The following FAM227B variants were observed in gnomAD, a reference collection of about 807,000 sequenced individuals.
The protein encoded by FAM227B is protein FAM227B.
A neutral mutation model predicts 73.8 loss-of-function variants in FAM227B; 88 were observed. That is an observed-to-expected ratio of 1.19 (90% CI 1.00 to 1.42). The LOEUF is 1.42. Ranked by LOEUF, FAM227B falls within the 40% of genes most tolerant of loss-of-function variation. FAM227B has a pLI of 0.00. For missense variants in FAM227B, 632 were observed against 590.9 expected (o/e 1.07, Z -0.72); for synonymous variants, 210 against 190.5 (o/e 1.10, Z -0.84).
At chr15:49,473,031 A>C (rs1246774928) in intron 11 of FAM227B, among the ~76,000 whole-genome samples, 1 of 152,130 alleles carries the variant, frequency 6.6e-6, no homozygotes. Context: ...TATGTGGACC[A>C]CTCATGTTTC....
At chr15:49,608,514 C>G (rs2077670821) in intron 3 of FAM227B, among the ~76,000 whole-genome samples, 1 of 151,848 alleles carries the variant, frequency 6.6e-6, no homozygotes, top group Admixed American at 6.6e-5. Context: ...AAATAAGAAG[C>G]ATGACTAGAA....
At position 49,367,436 on chromosome 15, in the gene FAM227B, TA is replaced by T; in HGVS notation, c.1271+11del. 1.3e-6 allele frequency: 2 copies of T among 1,543,900 alleles called. No individual in the cohort carries two copies. The highest frequency in any genetic ancestry group is 1.3e-5 in the South Asian group (1 of 77,884). On this transcript the variant is annotated intron_variant, in intron 13 of 15. Coordinates refer to ENST00000299338, the MANE Select transcript of FAM227B (RefSeq NM_152647.3). ...AAGAAATTATATTAAAGCAAAGCTT[TA>T]AAAAGGATATGGTTCCTGGAATATC...
chr15:49,541,898 C>A, intron 9 of FAM227B, 92 bp from the exon 10 acceptor site: 3 of 1,022,142 alleles, frequency 2.9e-6, no homozygotes, highest in Non-Finnish European at 3.8e-6. Flanking sequence ...TTAAATTTGC[C>A]TTGCAATTTA....
In FAM227B at chr15:49,529,681, T is replaced by C. The variant is rs143012114; in HGVS notation, c.874+11999A>G. Among the ~76,000 whole-genome samples, 300 of 151,822 alleles carry C rather than the reference T, an allele frequency of 2.0e-3. 1 individual carries two copies. Among genetic ancestry groups the C allele is most frequent in the African/African-American group, 6.9e-3 (287 of 41,546 alleles). On this transcript the variant is annotated intron_variant, in intron 10 of 15. Transcript: ENST00000299338. ...TATCACACTAGGATACAGACATTGA[T>C]AGAGTCAAGATACAGAACAGATCCA...
intron 5 of FAM227B, among the ~76,000 whole-genome samples, chr15:49,578,475 T>C (rs190925276): frequency 1.2e-4 from 18 of 152,164 alleles, no homozygotes; most frequent in Non-Finnish European, 2.2e-4. Flanking sequence ...CAGACATAGA[T>C]AGATAGATAG....
intron 11 of FAM227B, among the ~76,000 whole-genome samples, chr15:49,449,757 T>G (rs1405867303): frequency 6.6e-6 from 1 of 151,970 alleles, no homozygotes; most frequent in African/African-American, 2.4e-5. Context: ...AGTGCCTTGC[T>G]TTTCTCTTTC....
intron 11 of FAM227B, among the ~76,000 whole-genome samples, chr15:49,380,850 T>G (rs914413783): frequency 6.6e-6 from 1 of 152,178 alleles, no homozygotes; most frequent in African/African-American, 2.4e-5. Flanking sequence ...CAGAAGCCCC[T>G]TGTGTTAGTC....
chr15:49,532,717 G>T (rs1004730975), intron 10 of FAM227B, among the ~76,000 whole-genome samples: 1 of 151,670 alleles, frequency 6.6e-6, no homozygotes, highest in Non-Finnish European at 1.5e-5. Flanking sequence ...CCATTTTATT[G>T]TTTAATCAGA....
intron 11 of FAM227B, among the ~76,000 whole-genome samples, chr15:49,489,826 A>ATATATATATATATATTT (rs2056799215): frequency 5.7e-5 from 2 of 34,960 alleles, no homozygotes; most frequent in African/African-American, 1.3e-4. Context: ...TATATTTTAT[A>ATATATATATATATATTT]TATATATATA....
intron 9 of FAM227B, among the ~76,000 whole-genome samples, chr15:49,566,789 T>C (rs180904184): frequency 1.3e-5 from 2 of 152,304 alleles, no homozygotes; most frequent in East Asian, 1.9e-4. Context: ...TGTTCTCAAA[T>C]GAGGCTTTGC....
intron 11 of FAM227B, among the ~76,000 whole-genome samples, chr15:49,438,005 G>T (rs190342332): frequency 6.6e-6 from 1 of 151,560 alleles, no homozygotes; most frequent in Non-Finnish European, 1.5e-5. Context: ...AATGGGGAAG[G>T]GAGTCAGAAG....
At chr15:49,403,842 T>A (rs759482450) in intron 11 of FAM227B, among the ~76,000 whole-genome samples, 53 of 152,176 alleles carry the variant, frequency 3.5e-4, no homozygotes, top group Non-Finnish European at 1.5e-5. Context: ...TTCTTTTAGT[T>A]GTGATGTTAG....
At chr15:49,550,340 C>CG (rs2072752705) in intron 9 of FAM227B, among the ~76,000 whole-genome samples, 1 of 148,544 alleles carries the variant, frequency 6.7e-6, no homozygotes, top group Non-Finnish European at 1.5e-5. Flanking sequence ...GCGGGCTGAC[C>CG]CCCCCACCTC....
At chr15:49,367,991 T>C (rs977982426) in intron 12 of FAM227B, 3 of 153,488 alleles carry the variant, frequency 2.0e-5, no homozygotes, top group African/African-American at 7.2e-5. Context: ...TTCAGCAATT[T>C]CTAAGTAGAA....
intron 3 of FAM227B, 22 bp from the exon 4 acceptor site, chr15:49,590,029 G>A (rs1381287531): frequency 1.7e-6 from 2 of 1,193,258 alleles, no homozygotes; most frequent in Non-Finnish European, 2.5e-6. Context: ...GTGAAAGAGA[G>A]AATATAGCTT....
chr15:49,514,923 T>C (rs1349639186), intron 10 of FAM227B, among the ~76,000 whole-genome samples: 1 of 152,114 alleles, frequency 6.6e-6, no homozygotes, highest in South Asian at 2.1e-4. Context: ...TTTCAGTTAA[T>C]TTTTGCATAG....
At chr15:49,528,096 C>T (rs2060337987) in intron 10 of FAM227B, among the ~76,000 whole-genome samples, 2 of 151,882 alleles carry the variant, frequency 1.3e-5, no homozygotes, top group Admixed American at 6.6e-5. Flanking sequence ...CACATGACTT[C>T]AAGTTAAACT....
At chr15:49,343,519 T>C (rs999153798) in intron 13 of FAM227B, 2 of 152,154 alleles carry the variant, frequency 1.3e-5, no homozygotes, top group Non-Finnish European at 2.9e-5. Flanking sequence ...TTCACTTACA[T>C]GAAAATAGCT....
chr15:49,392,713 C>A (rs2047297783), intron 11 of FAM227B, among the ~76,000 whole-genome samples: 1 of 152,172 alleles, frequency 6.6e-6, no homozygotes. Flanking sequence ...ATTGAAATAA[C>A]TGGTGGGTAA....
Sources: allele counts gnomAD v4.1 joint callset (sites outside exome capture counted in the v4.1 genomes callset), GRCh38; gene constraint gnomAD v4.1.1; transcripts MANE v1.5; gene names NCBI Gene and HGNC (gene_info 2026-07-23, HGNC 2026-07-21).